Variants in CLVS2 observed in about 807,000 individuals in gnomAD.
CLVS2 encodes clavesin 2, also known as clavesin-2.
Under a neutral mutation model 29.0 loss-of-function variants are expected in CLVS2, and 19 were observed. The ratio of observed to expected loss-of-function variants is 0.66; its 90% CI spans 0.46 to 0.96. The LOEUF is 0.96. Among genes scored for constraint, CLVS2 ranks in the 40% least tolerant of loss-of-function variants. The probability of loss-of-function intolerance (pLI) is 0.00; values close to 1 mark genes in which losing one functional copy is unlikely to be tolerated. For missense variants in CLVS2, 294 were observed against 404.1 expected (o/e 0.73, Z 2.34); for synonymous variants, 161 against 151.3 (o/e 1.06, Z -0.47).
chr6:122,998,712 T>C (rs983930669), intron 2 of CLVS2, among the ~76,000 whole-genome samples: 3 of 152,180 alleles, frequency 2.0e-5, no homozygotes, highest in African/African-American at 7.2e-5. Context: ...AGGAATAATA[T>C]GATTTGTGTC....
intron 3 of CLVS2, among the ~76,000 whole-genome samples, chr6:123,044,623 G>A (rs1772452801): frequency 6.6e-6 from 1 of 151,794 alleles, no homozygotes; most frequent in Non-Finnish European, 1.5e-5. Context: ...GTGAAGGGAG[G>A]GTCTAGAAGA....
intron 3 of CLVS2, among the ~76,000 whole-genome samples, chr6:123,016,336 T>G (rs1212867799): frequency 2.5e-5 from 2 of 79,202 alleles, no homozygotes; most frequent in Non-Finnish European, 5.0e-5. Context: ...TACGTGCTTT[T>G]TTTGGGGGGG....
intron 3 of CLVS2, among the ~76,000 whole-genome samples, chr6:123,047,159 C>A (rs1469112955): frequency 2.0e-5 from 3 of 151,890 alleles, no homozygotes. Context: ...CTCTATGACT[C>A]CCATATCCAG....
chr6:123,018,984 T>C (rs796695957), intron 3 of CLVS2, among the ~76,000 whole-genome samples: 13 of 152,226 alleles, frequency 8.5e-5, no homozygotes, highest in African/African-American at 3.1e-4. Context: ...CTGCTCCTTT[T>C]GATTCAGTGG....
chr6:123,026,513 G>A (rs147988836), intron 3 of CLVS2, among the ~76,000 whole-genome samples: 121 of 152,232 alleles, frequency 7.9e-4, no homozygotes, highest in African/African-American at 2.7e-3. Flanking sequence ...GCTCATCTTA[G>A]GAAAATTATG....
intron 2 of CLVS2, among the ~76,000 whole-genome samples, chr6:123,010,630 T>A (rs1774734878): frequency 6.6e-6 from 1 of 152,052 alleles, no homozygotes; most frequent in Admixed American, 6.6e-5. Context: ...TACGAAGATA[T>A]GAAATGTCAA....
At chr6:123,056,594 G>T (rs1772697021) in intron 5 of CLVS2, among the ~76,000 whole-genome samples, 1 of 152,162 alleles carries the variant, frequency 6.6e-6, no homozygotes, top group South Asian at 2.1e-4. Flanking sequence ...AGACAGTCTA[G>T]CAGGGCCCTT....
rs191506872 is a variant in CLVS2, at chr6:123,006,910, A to G, written c.390-4075A>G. 3.9e-5 allele frequency among the ~76,000 whole-genome samples: 6 copies of G among 152,318 alleles called. No homozygotes were observed. The East Asian group carries it at 1.2e-3, about 29-fold the overall frequency. On this transcript the variant is annotated intron_variant, in intron 2 of 5. Coordinates refer to ENST00000275162, the MANE Select transcript of CLVS2 (RefSeq NM_001010852.4). ...AACAAAGTCTTATTTCTACATTTGG[A>G]TGATCGCAGCAGGGAACCAAAGATG...
At chr6:123,059,284 C>T (rs1476951945) in intron 5 of CLVS2, among the ~76,000 whole-genome samples, 1 of 152,160 alleles carries the variant, frequency 6.6e-6, no homozygotes, top group Non-Finnish European at 1.5e-5. Flanking sequence ...GTCCATCACC[C>T]TTCTTTATTT....
chr6:123,001,339 A>G (rs1032638521), intron 2 of CLVS2, among the ~76,000 whole-genome samples: 13 of 152,178 alleles, frequency 8.5e-5, no homozygotes, highest in African/African-American at 3.1e-4. Context: ...GAGACATGGC[A>G]TCATTAAGAA....
intron 2 of CLVS2, among the ~76,000 whole-genome samples, chr6:123,008,612 A>G (rs937906661): frequency 2.0e-5 from 3 of 152,128 alleles, no homozygotes; most frequent in African/African-American, 7.2e-5. Context: ...AATGAGGGAA[A>G]CCTTTGAAGT....
chr6:123,019,512 T>C (rs1190907506), intron 3 of CLVS2, among the ~76,000 whole-genome samples: 1 of 152,072 alleles, frequency 6.6e-6, no homozygotes, highest in East Asian at 1.9e-4. Context: ...TTCTATTTTT[T>C]TGTATCAGTA....
chr6:123,010,363 A>G (rs1774730792), intron 2 of CLVS2, among the ~76,000 whole-genome samples: 3 of 152,084 alleles, frequency 2.0e-5, no homozygotes, highest in African/African-American at 7.2e-5. Context: ...AAAACAAAAC[A>G]AAACAAAACA....
intron 3 of CLVS2, among the ~76,000 whole-genome samples, chr6:123,020,898 C>G (rs1329148676): frequency 6.6e-6 from 1 of 151,912 alleles, no homozygotes; most frequent in Admixed American, 6.6e-5. Flanking sequence ...GAGCTGTCAT[C>G]CTAGAAATTT....
At chr6:123,063,535 A>G (rs1772809431) in intron 5 of CLVS2, 139 bp from the exon 6 acceptor site, 2 of 575,386 alleles carry the variant, frequency 3.5e-6, no homozygotes, top group Admixed American at 3.2e-5. Flanking sequence ...TAAATGTGCA[A>G]CATCCACAAT....
At position 123,005,524 on chromosome 6, in the gene CLVS2, G is replaced by GT. The variant is rs200762835; in HGVS notation, c.390-5455dup. Among the ~76,000 whole-genome samples the GT allele has an allele frequency of 3.9e-4, 60 of 152,298 alleles. 1 individual carries two copies. Among genetic ancestry groups the GT allele is most frequent in the African/African-American group, 1.3e-3 (54 of 41,574 alleles). On this transcript the variant is annotated intron_variant, in intron 2 of 5. Coordinates refer to ENST00000275162, the MANE Select transcript of CLVS2 (RefSeq NM_001010852.4). ...TGCTCAGTGCGATGCCAAGATGCTA[G>GT]TTTTTTCTTGTCATGCTGAAAAGGT...
chr6:123,062,674 T>A (rs1772795526), intron 5 of CLVS2, among the ~76,000 whole-genome samples: 1 of 152,226 alleles, frequency 6.6e-6, no homozygotes, highest in Admixed American at 6.5e-5. Context: ...TTTTCTTTGA[T>A]AATTAGTTCC....
intron 3 of CLVS2, among the ~76,000 whole-genome samples, chr6:123,042,932 A>G (rs1169830193): frequency 1.3e-5 from 2 of 152,176 alleles, no homozygotes; most frequent in Admixed American, 1.3e-4. Context: ...GACACCCCCA[A>G]AAGTCATATT....
chr6:123,046,875 C>A (rs376884376), intron 3 of CLVS2, among the ~76,000 whole-genome samples: 1 of 152,068 alleles, frequency 6.6e-6, no homozygotes, highest in East Asian at 1.9e-4. Context: ...TGAGACAAAT[C>A]CTTCTAAGCC....
Sources: allele counts gnomAD v4.1 joint callset (sites outside exome capture counted in the v4.1 genomes callset), GRCh38; gene constraint gnomAD v4.1.1; transcripts MANE v1.5; gene names NCBI Gene and HGNC (gene_info 2026-07-23, HGNC 2026-07-21).